AUTS2: variants seen among roughly 807,000 people sequenced by gnomAD.
The protein encoded by AUTS2 is autism susceptibility gene 2 protein.
In AUTS2, 17 loss-of-function variants were observed where a neutral mutation model predicts 112.4. The ratio of observed to expected loss-of-function variants is 0.15; its 90% confidence interval spans 0.10 to 0.23. The LOEUF (loss-of-function observed/expected upper bound fraction) is 0.23, where lower values mean the gene tolerates loss of function less well. Ranked by LOEUF, AUTS2 falls within the 10% of genes least tolerant of loss-of-function variation. AUTS2 has a pLI of 1.00. For synonymous variants in AUTS2, 751 were observed against 702.7 expected, an observed-to-expected ratio of 1.07 and a Z score of -1.09; for missense variants, 1,510 against 1,701.6, an observed-to-expected ratio of 0.89 and a Z score of 1.98.
At chr7:70,078,268 C>G (rs1340350668) in intron 2 of AUTS2, among the ~76,000 whole-genome samples, 1 of 152,062 alleles carries the variant, frequency 6.6e-6, no homozygotes, top group Non-Finnish European at 1.5e-5. Context: ...AAGTGACTAA[C>G]AGGCAGGTAG....
intron 5 of AUTS2, among the ~76,000 whole-genome samples, chr7:70,576,670 A>G (rs1802182904): frequency 6.6e-6 from 1 of 152,218 alleles, no homozygotes; most frequent in East Asian, 1.9e-4. Flanking sequence ...TTAGAGGAAC[A>G]ATGTTTTAGA....
In AUTS2 at chr7:69,685,719, C is replaced by CT. The variant is rs57209176; in HGVS notation, c.309+85774dup. Among the ~76,000 whole-genome samples the CT allele has an allele frequency of 9.8e-3, 1,367 of 140,114 alleles. 20 individuals carry two copies. The highest frequency in any genetic ancestry group is 0.026 in the African/African-American group (997 of 38,492). 91.9% of individuals were successfully genotyped at this position (140,114 alleles called of 152,430 possible). On this transcript the variant is annotated intron_variant, in intron 1 of 18. Transcript: ENST00000342771. ...AGTATCTAAAGAAAGGATCCATGCC[C>CT]TTTTTTTTTTTTTTTTTAAATAGAG...
At chr7:70,758,610 AAG>A (rs745307489) in intron 6 of AUTS2, among the ~76,000 whole-genome samples, 2 of 152,208 alleles carry the variant, frequency 1.3e-5, no homozygotes, top group African/African-American at 4.8e-5. Flanking sequence ...TAATCACAAG[AAG>A]AGAGAGTTTT....
At chr7:70,534,732 TG>T (rs1158356040) in intron 5 of AUTS2, among the ~76,000 whole-genome samples, 5 of 152,214 alleles carry the variant, frequency 3.3e-5, no homozygotes. Context: ...AGCCTTTTTT[TG>T]TTTTTTAAAT....
chr7:69,885,479 C>T (rs755533341), intron 1 of AUTS2, among the ~76,000 whole-genome samples: 5 of 152,122 alleles, frequency 3.3e-5, no homozygotes, highest in African/African-American at 4.8e-5. Context: ...AATTACACTT[C>T]GGTGGGGAAG....
chr7:70,792,335 G>A lies in AUTS2; in HGVS notation c.*1339G>A, dbSNP rs987420690. 3.3e-5 allele frequency: 5 copies of A among 152,450 alleles called. No homozygotes were observed. Among genetic ancestry groups the A allele is most frequent in the Non-Finnish European group, 2.9e-5 (2 of 68,018 alleles). 9.4% of individuals were successfully genotyped at this position (152,450 alleles called of 1,614,324 possible). ...ACTTTTATAATACATTAAGCCTCTT[G>A]TCTACATATTTGGAGAGAATATGAC... On this transcript the variant is annotated 3_prime_UTR_variant, in exon 19 of 19. Coordinates refer to ENST00000342771, the MANE Select transcript of AUTS2 (RefSeq NM_015570.4).
chr7:70,137,484 G>A (rs939045990), intron 4 of AUTS2, among the ~76,000 whole-genome samples: 2 of 147,064 alleles, frequency 1.4e-5, no homozygotes, highest in African/African-American at 5.0e-5. Context: ...TGTTTTGAAC[G>A]TCAATGCAAT....
intron 5 of AUTS2, among the ~76,000 whole-genome samples, chr7:70,641,510 C>T (rs1805829891): frequency 6.6e-6 from 1 of 152,130 alleles, no homozygotes; most frequent in Non-Finnish European, 1.5e-5. Flanking sequence ...GGAGATCGCA[C>T]CACTGCACTC....
At chr7:70,230,018 T>C (rs1251223759) in intron 4 of AUTS2, among the ~76,000 whole-genome samples, 1 of 152,310 alleles carries the variant, frequency 6.6e-6, no homozygotes, top group East Asian at 1.9e-4. Flanking sequence ...TTGAATGTGT[T>C]TATAACAGCT....
At chr7:70,503,730 G>C (rs11978666) in intron 5 of AUTS2, among the ~76,000 whole-genome samples, 12,448 of 151,008 alleles carry the variant, frequency 0.082, 627 homozygotes, top group African/African-American at 0.13. Flanking sequence ...TGTTCCCCAG[G>C]CTGGTCTCAA....
Position 70,791,014 on chromosome 7 carries a change from G to A in AUTS2, c.*18G>A. On this transcript the variant is annotated 3_prime_UTR_variant, in exon 19 of 19. Transcript: ENST00000342771. The stretch of plus-strand genomic sequence containing the variant: ...CCCGATAAGCCGAGAACAGGAGCAA[G>A]AACGAGGAAGAAGAAACCCTAGGCA... 1 of 1,477,512 alleles carries A rather than the reference G, an allele frequency of 6.8e-7. No individual in the cohort carries two copies. Among genetic ancestry groups the A allele is most frequent in the African/African-American group, 1.4e-5 (1 of 71,004 alleles). The allele number at this position is 1,477,512 out of a possible 1,614,324, so 91.5% of individuals were successfully genotyped here.
chr7:70,609,291 A>G (rs966574530), intron 5 of AUTS2, among the ~76,000 whole-genome samples: 2 of 152,066 alleles, frequency 1.3e-5, no homozygotes, highest in Non-Finnish European at 2.9e-5. Flanking sequence ...GATTCTGCAT[A>G]TAAATGAGAT....
intron 3 of AUTS2, among the ~76,000 whole-genome samples, chr7:70,121,746 G>T (rs566764530): frequency 2.0e-5 from 3 of 152,078 alleles, no homozygotes; most frequent in Admixed American, 2.0e-4. Flanking sequence ...GTAAAATGAC[G>T]CAGCCACTGT....
chr7:69,698,897 C>T (rs2129185791), intron 1 of AUTS2, among the ~76,000 whole-genome samples: 1 of 152,246 alleles, frequency 6.6e-6, no homozygotes, highest in Middle Eastern at 3.4e-3. Context: ...GAAACAGTAG[C>T]ACAGATCATC....
intron 4 of AUTS2, among the ~76,000 whole-genome samples, chr7:70,301,927 G>GT (rs1170261106): frequency 2.9e-5 from 4 of 137,036 alleles, no homozygotes; most frequent in African/African-American, 5.8e-5. Flanking sequence ...CCTGTGTTTT[G>GT]TTTTTTGTGG....
chr7:70,356,796 CT>C (rs1247002571), intron 4 of AUTS2, among the ~76,000 whole-genome samples: 1 of 151,124 alleles, frequency 6.6e-6, no homozygotes, highest in African/African-American at 2.4e-5. Context: ...TCAGTGGAGA[CT>C]TTGTTTAAAC....
chr7:70,050,632 A>G (rs543792742), intron 2 of AUTS2, among the ~76,000 whole-genome samples: 1 of 152,108 alleles, frequency 6.6e-6, no homozygotes, highest in South Asian at 2.1e-4. Flanking sequence ...GGGGTTTGAA[A>G]TAATTGCTGC....
At chr7:69,643,909 A>C (rs762279715) in intron 1 of AUTS2, among the ~76,000 whole-genome samples, 1 of 152,188 alleles carries the variant, frequency 6.6e-6, no homozygotes, top group Non-Finnish European at 1.5e-5. Flanking sequence ...GTGCCACTGC[A>C]CTCAACCTGG....
rs75495710 is a variant in AUTS2, at chr7:70,399,508, C to G, written c.661-36244C>G. Reference sequence around the variant, plus strand: ...TTTAAGTGGAGGCAGATCTTGGACACTTGTCAAGTTTTCAAGTCCTCTAGG... The same window carrying G: ...TTTAAGTGGAGGCAGATCTTGGACAGTTGTCAAGTTTTCAAGTCCTCTAGG... On this transcript the variant is annotated intron_variant, in intron 4 of 18. Coordinates refer to ENST00000342771, the MANE Select transcript of AUTS2 (RefSeq NM_015570.4). 8.2e-3 allele frequency among the ~76,000 whole-genome samples: 1,246 copies of G among 152,236 alleles called. 12 individuals are homozygous for G. The highest frequency in any genetic ancestry group is 0.012 in the Non-Finnish European group (804 of 68,018).
Sources: gnomAD v4.1 joint callset for allele counts (sites outside exome capture counted in the v4.1 genomes callset) on GRCh38, gnomAD v4.1.1 for gene constraint, MANE v1.5 for transcripts, NCBI Gene and HGNC (gene_info 2026-07-23, HGNC 2026-07-21) for gene names.